Variants in ABI3BP observed in about 807,000 individuals in gnomAD.
ABI3BP encodes ABI family member 3 binding protein, also known as target of Nesh-SH3.
ABI3BP carries 216 observed loss-of-function variants against 268.6 expected under a neutral mutation model. The observed-to-expected ratio is 0.80, with a 90% CI of 0.72 to 0.90. ABI3BP has a LOEUF of 0.90. Ranked by LOEUF, ABI3BP falls within the 40% of genes least tolerant of loss-of-function variation. ABI3BP has a pLI of 0.00. For synonymous variants in ABI3BP, 730 were observed against 730.0 expected, an observed-to-expected ratio of 1.00 and a Z score of 0.00; for missense variants, 2,090 against 2,182.4, an observed-to-expected ratio of 0.96 and a Z score of 0.84.
intron 1 of ABI3BP, among the ~76,000 whole-genome samples, chr3:100,954,827 A>C: frequency 6.6e-6 from 1 of 152,176 alleles, no homozygotes. Context: ...GGCACCAGAT[A>C]AACTGTCACA....
At position 100,750,364 on chromosome 3, in the gene ABI3BP, T is replaced by C; in HGVS notation, c.*131A>G. 6.7e-6 allele frequency: 4 copies of C among 595,080 alleles called. No individual in the cohort carries two copies. The highest frequency in any genetic ancestry group is 1.1e-5 in the Non-Finnish European group (4 of 354,746). The allele number at this position is 595,080 out of a possible 1,614,324, so 36.9% of individuals were successfully genotyped here. ...CAGCAATCTTTTCTAATAATAAACA[T>C]CTAGTATTGCTATTAATTAGATTGT... On this transcript the variant is annotated 3_prime_UTR_variant, in exon 68 of 68. Coordinates refer to ENST00000471714, the MANE Select transcript of ABI3BP (RefSeq NM_001375547.2).
At chr3:100,831,874 C>T (rs1339316418) in intron 31 of ABI3BP, among the ~76,000 whole-genome samples, 2 of 152,148 alleles carry the variant, frequency 1.3e-5, no homozygotes, top group Non-Finnish European at 2.9e-5. Context: ...TATGCAGGAA[C>T]AGCTTTTGTT....
In ABI3BP at chr3:100,947,021, G is replaced by GT. The variant is rs547468870; in HGVS notation, c.80-20541dup. 2.1e-3 allele frequency among the ~76,000 whole-genome samples: 314 copies of GT among 152,048 alleles called. 1 individual carries two copies. The highest frequency in any genetic ancestry group is 3.5e-3 in the Non-Finnish European group (239 of 68,000). Reference sequence around the variant, plus strand: ...CTTTGTAACCAAATGCTTCAGTTGGGTTTTTCTATGAAAATAAATAGCTAT... The same window carrying GT: ...CTTTGTAACCAAATGCTTCAGTTGGGTTTTTTCTATGAAAATAAATAGCTAT... On this transcript the variant is annotated intron_variant, in intron 1 of 67. Coordinates refer to ENST00000471714, the MANE Select transcript of ABI3BP (RefSeq NM_001375547.2).
chr3:100,969,310 G>T (rs1165306074), intron 1 of ABI3BP, among the ~76,000 whole-genome samples: 1 of 152,176 alleles, frequency 6.6e-6, no homozygotes, highest in African/African-American at 2.4e-5. Flanking sequence ...GCCAAGTGTG[G>T]TTAGATGACA....
intron 5 of ABI3BP, 48 bp downstream of exon 5, chr3:100,886,094 G>GA: frequency 6.9e-7 from 1 of 1,450,836 alleles, no homozygotes; most frequent in South Asian, 1.5e-5. Flanking sequence ...AGGTAACTAA[G>GA]AAAAAAATTA....
At chr3:100,850,191 C>G in intron 16 of ABI3BP, 72 bp from the exon 17 acceptor site, 1 of 1,365,378 alleles carries the variant, frequency 7.3e-7, no homozygotes, top group Non-Finnish European at 1.0e-6. Context: ...TTTTAACATG[C>G]TTTTAGATGG....
intron 17 of ABI3BP, among the ~76,000 whole-genome samples, chr3:100,849,557 C>A (rs2098815841): frequency 1.3e-5 from 2 of 152,100 alleles, no homozygotes. Context: ...TTATTATCCC[C>A]ACCAAGAGTC....
intron 21 of ABI3BP, among the ~76,000 whole-genome samples, chr3:100,841,757 G>T (rs759158014): frequency 2.0e-5 from 3 of 151,996 alleles, no homozygotes; most frequent in Non-Finnish European, 2.9e-5. Context: ...AGGGATGGTG[G>T]CTCAGGCCTG....
intron 1 of ABI3BP, among the ~76,000 whole-genome samples, chr3:100,990,402 A>C (rs748853697): frequency 1.1e-4 from 16 of 152,120 alleles, no homozygotes; most frequent in Middle Eastern, 3.4e-3. Context: ...AACTATAGTC[A>C]TTTAGTGGTG....
At chr3:100,944,211 T>C (rs1474889031) in intron 1 of ABI3BP, among the ~76,000 whole-genome samples, 1 of 152,170 alleles carries the variant, frequency 6.6e-6, no homozygotes, top group African/African-American at 2.4e-5. Flanking sequence ...GTAGATAAGT[T>C]TAACTGTTTT....
At chr3:100,851,491 A>G (rs566485439) in intron 15 of ABI3BP, among the ~76,000 whole-genome samples, 1 of 152,180 alleles carries the variant, frequency 6.6e-6, no homozygotes, top group Non-Finnish European at 1.5e-5. Flanking sequence ...AACTGTCTCC[A>G]CATTAGCAAA....
chr3:100,941,407 A>G (rs533550233), intron 1 of ABI3BP, among the ~76,000 whole-genome samples: 3 of 152,218 alleles, frequency 2.0e-5, no homozygotes, highest in South Asian at 2.1e-4. Flanking sequence ...TGAGCTTTTT[A>G]TTAGGACATT....
At chr3:100,864,230 T>C in intron 11 of ABI3BP, 154 bp from the exon 12 acceptor site, 1 of 632,090 alleles carries the variant, frequency 1.6e-6, no homozygotes, top group Admixed American at 2.5e-5. Flanking sequence ...AAAAGTTACA[T>C]AGCTGTTAAA....
chr3:100,891,752 C>T (rs2044770802), intron 4 of ABI3BP, among the ~76,000 whole-genome samples: 2 of 152,204 alleles, frequency 1.3e-5, no homozygotes, highest in South Asian at 4.1e-4. Context: ...TGACATCCCA[C>T]TTGCATATTC....
intron 50 of ABI3BP, among the ~76,000 whole-genome samples, chr3:100,807,581 A>G (rs2097749057): frequency 1.3e-5 from 2 of 151,958 alleles, no homozygotes. Flanking sequence ...CCTGTAGCAA[A>G]ACAAGAATGA....
intron 1 of ABI3BP, among the ~76,000 whole-genome samples, chr3:100,961,881 C>T (rs1197015090): frequency 6.6e-6 from 1 of 152,122 alleles, no homozygotes; most frequent in Non-Finnish European, 1.5e-5. Context: ...GATTCCATGG[C>T]CCATCACTGC....
intron 2 of ABI3BP, among the ~76,000 whole-genome samples, chr3:100,910,530 T>A (rs535744450): frequency 2.0e-5 from 3 of 152,158 alleles, no homozygotes; most frequent in Non-Finnish European, 4.4e-5. Context: ...TTCCTATTCT[T>A]GCTTTTCCTT....
Position 100,862,821 on chromosome 3 carries a change from T to C in ABI3BP, c.1210+17A>G. ...CCACCCACAGCCTTAATATTAAATT[T>C]AAGGTACTCTTATTACCCAATGTGC... is the stretch of plus-strand genomic sequence containing the variant. On this transcript the variant is annotated intron_variant, in intron 13 of 67. Coordinates refer to ENST00000471714, the MANE Select transcript of ABI3BP (RefSeq NM_001375547.2). 1 of 1,512,956 alleles carries C rather than the reference T, an allele frequency of 6.6e-7. No individual in the cohort carries two copies. The highest frequency in any genetic ancestry group is 8.9e-7 in the Non-Finnish European group (1 of 1,127,846). 93.7% of individuals were successfully genotyped at this position (1,512,956 alleles called of 1,614,324 possible).
chr3:100,967,734 T>C (rs955064876), intron 1 of ABI3BP, among the ~76,000 whole-genome samples: 7 of 152,154 alleles, frequency 4.6e-5, no homozygotes, highest in African/African-American at 1.7e-4. Flanking sequence ...ACTTGACCTT[T>C]AAGTTTTACT....
Sources: gnomAD v4.1 joint callset for allele counts (sites outside exome capture counted in the v4.1 genomes callset) on GRCh38, gnomAD v4.1.1 for gene constraint, MANE v1.5 for transcripts, NCBI Gene and HGNC (gene_info 2026-07-23, HGNC 2026-07-21) for gene names.